Variants in CACNA1E observed in about 807,000 individuals in gnomAD.
CACNA1E encodes the protein voltage-dependent R-type calcium channel subunit alpha-1E.
Under a neutral mutation model 259.2 loss-of-function variants are expected in CACNA1E, and 40 were observed. That is an observed-to-expected ratio of 0.15 (90% confidence interval 0.12 to 0.20). The LOEUF is 0.20. CACNA1E is among the 10% of genes least tolerant of loss of function. The pLI, the probability that CACNA1E is intolerant of heterozygous loss-of-function variation, is 1.00. For synonymous variants in CACNA1E, 1,104 were observed against 1,138.5 expected, an observed-to-expected ratio of 0.97 and a Z score of 0.61; for missense variants, 1,874 against 3,040.1, an observed-to-expected ratio of 0.62 and a Z score of 9.02.
intron 1 of CACNA1E, among the ~76,000 whole-genome samples, chr1:181,321,183 C>G (rs1372411811): frequency 6.6e-6 from 1 of 152,154 alleles, no homozygotes; most frequent in African/African-American, 2.4e-5. Context: ...GATCAGCCCC[C>G]ATGACCCAAA....
intron 1 of CACNA1E, among the ~76,000 whole-genome samples, chr1:181,332,281 A>G (rs1011625396): frequency 6.6e-6 from 1 of 152,206 alleles, no homozygotes; most frequent in Non-Finnish European, 1.5e-5. Context: ...CTTAATACCT[A>G]GGTGATGGGA....
At chr1:181,494,518 G>A (rs1362079884) in intron 1 of CACNA1E, among the ~76,000 whole-genome samples, 1 of 152,094 alleles carries the variant, frequency 6.6e-6, no homozygotes, top group Non-Finnish European at 1.5e-5. Flanking sequence ...TTGCTCCAAT[G>A]TTTATCCTGC....
At chr1:181,367,084 C>A (rs1376191791) in intron 1 of CACNA1E, among the ~76,000 whole-genome samples, 1 of 152,174 alleles carries the variant, frequency 6.6e-6, no homozygotes, top group Non-Finnish European at 1.5e-5. Flanking sequence ...GCCCTGGACA[C>A]CTGGCTTCCT....
chr1:181,720,425 G>A (rs1196168766), intron 14 of CACNA1E, 88 bp downstream of exon 14: 19 of 1,406,126 alleles, frequency 1.4e-5, no homozygotes, highest in Non-Finnish European at 1.8e-5. Flanking sequence ...CAATCACCAT[G>A]TTACTATCCT....
At chr1:181,390,767 GTGAGCTATAACACATGGCATT>G (rs1656209971) in intron 1 of CACNA1E, among the ~76,000 whole-genome samples, 1 of 152,200 alleles carries the variant, frequency 6.6e-6, no homozygotes, top group Non-Finnish European at 1.5e-5. Flanking sequence ...TGGAGATACA[GTGAGCTATAACACATGGCATT>G]CAAGCAGGGG....
At chr1:181,590,666 C>A (rs1050747844) in intron 6 of CACNA1E, among the ~76,000 whole-genome samples, 4 of 152,094 alleles carry the variant, frequency 2.6e-5, no homozygotes, top group Non-Finnish European at 5.9e-5. Context: ...CAGTCTTCCT[C>A]ACCCCAGGAG....
chr1:181,777,236 T>C (rs937691374), intron 38 of CACNA1E, among the ~76,000 whole-genome samples: 5 of 152,192 alleles, frequency 3.3e-5, no homozygotes, highest in Admixed American at 6.5e-5. Context: ...CTGTTCCAGG[T>C]CATTTTAGCT....
chr1:181,679,908 G>A (rs1346774707), intron 7 of CACNA1E, among the ~76,000 whole-genome samples: 1 of 152,016 alleles, frequency 6.6e-6, no homozygotes, highest in Admixed American at 6.6e-5. Context: ...CACTTGAGCA[G>A]ACTGGGCAAC....
Position 181,776,071 on chromosome 1 carries a change from C to A in CACNA1E, c.5140-30C>A. The stretch of plus-strand genomic sequence containing the variant: ...TCCTGAGCTCTGCTTTAGGTTTCCC[C>A]TAACCCCTCTTCTTCCCCTTGCCCT... On this transcript the variant is annotated intron_variant, in intron 37 of 47. Coordinates refer to ENST00000367573, the MANE Select transcript of CACNA1E (RefSeq NM_001205293.3). This position sits in a 1 kb window ranked among gnomAD's most constrained non-coding sequence, Gnocchi z 4.4. The A allele has an allele frequency of 6.2e-7, 1 of 1,602,318 alleles. No homozygotes were observed. The highest frequency in any genetic ancestry group is 1.3e-5 in the African/African-American group (1 of 74,902).
chr1:181,791,706 C>CA (rs1473508554), intron 44 of CACNA1E, among the ~76,000 whole-genome samples: 1 of 151,948 alleles, frequency 6.6e-6, no homozygotes, highest in Non-Finnish European at 1.5e-5. Flanking sequence ...GAAAAAAAGA[C>CA]AAAACCCAAC....
intron 2 of CACNA1E, among the ~76,000 whole-genome samples, chr1:181,473,150 T>G (rs1662623005): frequency 6.6e-6 from 1 of 152,202 alleles, no homozygotes; most frequent in African/African-American, 2.4e-5. Context: ...AGCAGACCCT[T>G]GTTTTCTATG....
intron 6 of CACNA1E, among the ~76,000 whole-genome samples, chr1:181,639,496 T>C (rs1657556145): frequency 6.6e-6 from 1 of 152,242 alleles, no homozygotes; most frequent in African/African-American, 2.4e-5. Flanking sequence ...GTTTTAATTA[T>C]GTCTTCTTAG....
intron 6 of CACNA1E, among the ~76,000 whole-genome samples, chr1:181,636,480 GA>G (rs1296324160): frequency 1.3e-5 from 2 of 152,208 alleles, no homozygotes; most frequent in African/African-American, 4.8e-5. Context: ...AATTGGCCTA[GA>G]GAAATTGATA....
chr1:181,651,419 C>T lies in CACNA1E; in HGVS notation c.1033C>T (p.Leu345=), dbSNP rs745797769. The change falls in exon 7 of 48, where the codon CTA becomes TTA. Residue 345 remains leucine (L), a synonymous_variant. Coordinates refer to ENST00000367573, the MANE Select transcript of CACNA1E (RefSeq NM_001205293.3). ...CATTGGATCCTTCTTTGTTCTCAAC[C>T]TAGTCCTGGGAGTGCTTTCCGGGTG... ...IIIGSFFVLN[L]VLGVLSGEFA... 3 of 1,613,440 alleles carry T rather than the reference C, an allele frequency of 1.9e-6. No individual in the cohort carries two copies. Among genetic ancestry groups the T allele is most frequent in the Non-Finnish European group, 2.5e-6 (3 of 1,179,414 alleles).
At chr1:181,468,743 C>G (rs1444065447) in intron 2 of CACNA1E, among the ~76,000 whole-genome samples, 2 of 152,004 alleles carry the variant, frequency 1.3e-5, no homozygotes, top group Non-Finnish European at 2.9e-5. Flanking sequence ...ATGGGCTGGG[C>G]TTTTAAGTCT....
chr1:181,497,671 G>T (rs184191570), intron 1 of CACNA1E, among the ~76,000 whole-genome samples: 3 of 152,334 alleles, frequency 2.0e-5, no homozygotes, highest in African/African-American at 7.2e-5. Flanking sequence ...TCTGACTGGT[G>T]CCACTGGCTG....
chr1:181,383,121 G>A (rs541650399), intron 1 of CACNA1E, among the ~76,000 whole-genome samples: 2 of 152,090 alleles, frequency 1.3e-5, no homozygotes, highest in African/African-American at 2.4e-5. Flanking sequence ...CTTTCCCCCC[G>A]GGGCCGCATC....
At chr1:181,525,744 G>A (rs1667304895) in intron 3 of CACNA1E, among the ~76,000 whole-genome samples, 1 of 152,228 alleles carries the variant, frequency 6.6e-6, no homozygotes, top group South Asian at 2.1e-4. Context: ...AATAGAGTCA[G>A]TAGTAAATAA....
chr1:181,755,206 C>T, intron 27 of CACNA1E, 31 bp from the exon 28 acceptor site: 1 of 1,597,640 alleles, frequency 6.3e-7, no homozygotes, highest in Non-Finnish European at 8.6e-7. Context: ...TCACAGGGTT[C>T]ACACAGCAGG....
Sources: gnomAD v4.1 joint callset for allele counts (sites outside exome capture counted in the v4.1 genomes callset) on GRCh38, gnomAD v4.1.1 for gene constraint, Gnocchi (gnomAD v3.1) non-coding constraint, MANE v1.5 for transcripts, NCBI Gene and HGNC (gene_info 2026-07-23, HGNC 2026-07-21) for gene names.